The following SLC30A8 variants were observed in gnomAD, a reference collection of about 807,000 sequenced individuals.
The protein encoded by SLC30A8 is solute carrier family 30 member 8.
In SLC30A8, 27 loss-of-function variants were observed where a neutral mutation model predicts 36.9. The ratio of observed to expected loss-of-function variants is 0.73; its 90% CI spans 0.54 to 1.01. The LOEUF (loss-of-function observed/expected upper bound fraction) is 1.01, where lower values mean the gene tolerates loss of function less well. Among genes scored for constraint, SLC30A8 ranks in the 50% least tolerant of loss-of-function variants. The pLI is 0.00. For missense variants in SLC30A8, 439 were observed against 452.0 expected (o/e 0.97, Z 0.26); for synonymous variants, 164 against 172.4 (o/e 0.95, Z 0.38).
intron 2 of SLC30A8, among the ~76,000 whole-genome samples, chr8:117,117,706 C>T (rs1308185194): frequency 1.3e-5 from 2 of 152,042 alleles, no homozygotes; most frequent in East Asian, 3.9e-4. Context: ...AGTTCTAGCT[C>T]TAGGGATGAA....
intron 1 of SLC30A8, among the ~76,000 whole-genome samples, chr8:117,021,800 A>G (rs1295997096): frequency 1.3e-5 from 2 of 152,152 alleles, no homozygotes; most frequent in African/African-American, 2.4e-5. Context: ...TATTGGTTCA[A>G]AGACACACAA....
In SLC30A8 at chr8:116,967,402, TG is replaced by T. The variant is rs1814633416; in HGVS notation, c.-266+16284del. 5.3e-5 allele frequency among the ~76,000 whole-genome samples: 8 copies of T among 152,328 alleles called. No individual in the cohort carries two copies. The South Asian group carries it at 1.7e-3, about 32-fold the overall frequency. On this transcript the variant is annotated intron_variant, in intron 1 of 10. Transcript: ENST00000427715. ...GAGCTAGTGTCTATCTGATGAAAAT[TG>T]TCCAATAATGTATTTTTTTCCACGT...
At chr8:116,964,176 A>C (rs1397853480) in intron 1 of SLC30A8, among the ~76,000 whole-genome samples, 4 of 152,224 alleles carry the variant, frequency 2.6e-5, no homozygotes, top group African/African-American at 9.6e-5. Flanking sequence ...AGTTTGTCTT[A>C]ATTTGACCTG....
intron 2 of SLC30A8, among the ~76,000 whole-genome samples, chr8:117,102,416 C>T (rs888855865): frequency 6.6e-6 from 1 of 152,102 alleles, no homozygotes; most frequent in Non-Finnish European, 1.5e-5. Context: ...TTAAAAAGAT[C>T]GAATGTTGCT....
intron 1 of SLC30A8, among the ~76,000 whole-genome samples, chr8:116,985,549 TGAA>T (rs1179820145): frequency 1.3e-5 from 2 of 152,174 alleles, no homozygotes; most frequent in African/African-American, 4.8e-5. Context: ...TGTACAAGTA[TGAA>T]GAATAAATTC....
At chr8:117,052,943 G>T (rs1817755990) in intron 2 of SLC30A8, among the ~76,000 whole-genome samples, 1 of 145,234 alleles carries the variant, frequency 6.9e-6, no homozygotes, top group Non-Finnish European at 1.5e-5. Flanking sequence ...ATCTCGTTCT[G>T]TCGCCCAGGC....
At chr8:117,134,343 C>T (rs1821264651), upstream of SLC30A8, among the ~76,000 whole-genome samples, 1 of 152,014 alleles carries the variant, frequency 6.6e-6, no homozygotes, top group African/African-American at 2.4e-5. Flanking sequence ...TTGTGTACAT[C>T]TTTATAGGTC....
chr8:117,138,909 T>C (rs1010465822), intron 1 of SLC30A8, among the ~76,000 whole-genome samples: 1 of 152,004 alleles, frequency 6.6e-6, no homozygotes, highest in African/African-American at 2.4e-5. Context: ...TATCTTTCCC[T>C]TAGAAGACTG....
intron 1 of SLC30A8, among the ~76,000 whole-genome samples, chr8:116,999,266 GA>G: frequency 6.6e-6 from 1 of 151,922 alleles, no homozygotes. Context: ...CTCAAAAAGA[GA>G]AAAAAAGAAA....
chr8:116,956,608 C>T (rs1403442269), intron 1 of SLC30A8, among the ~76,000 whole-genome samples: 1 of 152,084 alleles, frequency 6.6e-6, no homozygotes, highest in Non-Finnish European at 1.5e-5. Flanking sequence ...AATAGAAATT[C>T]ATATCTACTA....
chr8:117,043,744 C>G (rs1025626813), intron 2 of SLC30A8, among the ~76,000 whole-genome samples: 1 of 152,116 alleles, frequency 6.6e-6, no homozygotes, highest in African/African-American at 2.4e-5. Flanking sequence ...CCTGCCTTGC[C>G]CCACCACCAC....
intron 1 of SLC30A8, among the ~76,000 whole-genome samples, chr8:116,995,630 T>C (rs183035333): frequency 2.6e-5 from 4 of 152,100 alleles, no homozygotes; most frequent in African/African-American, 7.2e-5. Context: ...ACTGAATGTA[T>C]TGGGGGCACA....
chr8:117,091,964 A>C (rs892157133), intron 2 of SLC30A8, among the ~76,000 whole-genome samples: 1 of 152,156 alleles, frequency 6.6e-6, no homozygotes, highest in East Asian at 1.9e-4. Flanking sequence ...AACATAAAAG[A>C]CCAAGGAATC....
Position 117,135,145 on chromosome 8 carries a change from A to G in SLC30A8, c.-183A>G. 1 of 431,418 alleles carries G rather than the reference A, an allele frequency of 2.3e-6. No homozygotes were observed. Among genetic ancestry groups the G allele is most frequent in the South Asian group, 6.7e-5 (1 of 14,940 alleles). The allele number at this position is 431,418 out of a possible 1,614,324, so 26.7% of individuals were successfully genotyped here. ...AATGAAGCCAGGTAATATTGCAAGG[A>G]GGCTGTAATTTTAGCAGACCTACCA... On this transcript the variant is annotated 5_prime_UTR_variant, in exon 1 of 8. Coordinates refer to ENST00000456015, the MANE Select transcript of SLC30A8 (RefSeq NM_173851.3).
chr8:117,012,679 T>TGC (rs1816381377), intron 1 of SLC30A8, among the ~76,000 whole-genome samples: 1 of 148,764 alleles, frequency 6.7e-6, no homozygotes, highest in African/African-American at 2.5e-5. Context: ...TGTGTGTGTG[T>TGC]GTGCATGTGT....
At chr8:117,081,277 A>G (rs995328876) in intron 2 of SLC30A8, among the ~76,000 whole-genome samples, 1 of 152,164 alleles carries the variant, frequency 6.6e-6, no homozygotes, top group Non-Finnish European at 1.5e-5. Context: ...GCGCTTAAAT[A>G]ACAGAAATAT....
intron 1 of SLC30A8, among the ~76,000 whole-genome samples, chr8:116,967,332 C>G (rs1217160976): frequency 6.6e-6 from 1 of 152,118 alleles, no homozygotes; most frequent in Non-Finnish European, 1.5e-5. Flanking sequence ...AACCAAATAT[C>G]TTTTCCTTAT....
chr8:117,133,548 G>T (rs1821223492), upstream of SLC30A8, among the ~76,000 whole-genome samples: 1 of 151,814 alleles, frequency 6.6e-6, no homozygotes. Flanking sequence ...TGAAAATATT[G>T]CTTATCTCTT....
At chr8:117,030,110 A>T (rs1311120737) in intron 1 of SLC30A8, among the ~76,000 whole-genome samples, 1 of 152,190 alleles carries the variant, frequency 6.6e-6, no homozygotes, top group Non-Finnish European at 1.5e-5. Flanking sequence ...CAGTAGAGCA[A>T]ATAAAGAAGT....
Sources: allele counts gnomAD v4.1 joint callset (sites outside exome capture counted in the v4.1 genomes callset), GRCh38; gene constraint gnomAD v4.1.1; transcripts MANE v1.5; gene names NCBI Gene and HGNC (gene_info 2026-07-23, HGNC 2026-07-21).